Variants in GATB observed in about 807,000 individuals in gnomAD.
GATB encodes the protein glutamyl-tRNA(Gln) amidotransferase subunit B, mitochondrial.
Under a neutral mutation model 62.3 loss-of-function variants are expected in GATB, and 39 were observed. That is an observed-to-expected ratio of 0.63 (90% confidence interval 0.48 to 0.82). The LOEUF (loss-of-function observed/expected upper bound fraction) is 0.82, where lower values mean the gene tolerates loss of function less well. Among genes scored for constraint, GATB ranks in the 40% least tolerant of loss-of-function variants. GATB has a pLI of 0.00. For missense variants in GATB, 670 were observed against 684.0 expected, an observed-to-expected ratio of 0.98 and a Z score of 0.23; for synonymous variants, 276 against 258.9, an observed-to-expected ratio of 1.07 and a Z score of -0.63.
chr4:151,734,678 A>C (rs1267646419), intron 2 of GATB, among the ~76,000 whole-genome samples: 3 of 152,208 alleles, frequency 2.0e-5, no homozygotes, highest in African/African-American at 7.2e-5. Context: ...ACCTGATTTT[A>C]AACTATACTA....
intron 2 of GATB, among the ~76,000 whole-genome samples, chr4:151,747,842 A>G (rs1168612185): frequency 6.6e-6 from 1 of 152,204 alleles, no homozygotes; most frequent in African/African-American, 2.4e-5. Context: ...AGACTAAGAG[A>G]GTTCATCACC....
At chr4:151,721,887 G>A (rs1223878257) in intron 2 of GATB, 8 of 370,526 alleles carry the variant, frequency 2.2e-5, no homozygotes, top group Admixed American at 4.6e-5. Context: ...GCACACAAGC[G>A]CACGGGCACT....
intron 6 of GATB, among the ~76,000 whole-genome samples, chr4:151,707,174 A>T (rs567817127): frequency 6.6e-6 from 1 of 152,368 alleles, no homozygotes; most frequent in South Asian, 2.1e-4. Context: ...GACCTAGTAA[A>T]TCTCAAGCTG....
rs754769468 is a variant in GATB, at chr4:151,719,555, C to T, written c.328-17G>A. 11 of 1,526,174 alleles carry T rather than the reference C, an allele frequency of 7.2e-6. No individual in the cohort carries two copies. The highest frequency in any genetic ancestry group is 3.6e-5 in the South Asian group (3 of 84,168). The allele number at this position is 1,526,174 out of a possible 1,614,324, so 94.5% of individuals were successfully genotyped here. On this transcript the variant is annotated splice_polypyrimidine_tract_variant and intron_variant, in intron 2 of 12. Transcript: ENST00000263985. ...GTTGAGAACCTATGGGAACACAACA[C>T]ACAGTTCCTCTCAGAACCGCAGGCT...
intron 3 of GATB, among the ~76,000 whole-genome samples, chr4:151,719,034 G>A (rs1012958355): frequency 1.3e-5 from 2 of 152,178 alleles, no homozygotes; most frequent in African/African-American, 4.8e-5. Context: ...ACTTAAAAGC[G>A]ATTCGCTCTC....
At chr4:151,749,405 C>T (rs1315666247) in intron 2 of GATB, among the ~76,000 whole-genome samples, 1 of 149,852 alleles carries the variant, frequency 6.7e-6, no homozygotes, top group Non-Finnish European at 1.5e-5. Context: ...CAAACTATCG[C>T]AAGGACAGAA....
At chr4:151,728,773 T>C (rs1457819530) in intron 2 of GATB, among the ~76,000 whole-genome samples, 1 of 152,226 alleles carries the variant, frequency 6.6e-6, no homozygotes. Flanking sequence ...AGATTTACTT[T>C]CTTCTTTATA....
chr4:151,705,177 G>T lies in GATB; in HGVS notation c.962+8C>A. ...CTGTGGTCAGGACGCTCAGCAATGC[G>T]AACTCACCCCAGCTTGTGATGAAAT... On this transcript the variant is annotated splice_region_variant and intron_variant, in intron 7 of 12. Transcript: ENST00000263985. The T allele has an allele frequency of 1.2e-6, 2 of 1,606,690 alleles. No homozygotes were observed. Among genetic ancestry groups the T allele is most frequent in the South Asian group, 1.1e-5 (1 of 90,848 alleles).
chr4:151,709,354 G>A (rs1198945712), intron 5 of GATB, among the ~76,000 whole-genome samples: 1 of 152,174 alleles, frequency 6.6e-6, no homozygotes, highest in Non-Finnish European at 1.5e-5. Flanking sequence ...ACAGGGAAAA[G>A]ATGTCTCTTA....
At chr4:151,694,388 C>T (rs967473381) in intron 9 of GATB, among the ~76,000 whole-genome samples, 2 of 152,228 alleles carry the variant, frequency 1.3e-5, no homozygotes, top group Admixed American at 1.3e-4. Context: ...AGCATCTTCC[C>T]CTCTGAAAGC....
At chr4:151,677,724 C>T (rs6841783) in intron 11 of GATB, 1 of 152,006 alleles carries the variant, frequency 6.6e-6, no homozygotes. Context: ...CCTAAAAAGG[C>T]GTGAAGGACT....
chr4:151,758,235 CCTT>C (rs1279373193), intron 2 of GATB, among the ~76,000 whole-genome samples: 4 of 152,170 alleles, frequency 2.6e-5, no homozygotes, highest in African/African-American at 9.7e-5. Flanking sequence ...TCCTCCTCCT[CCTT>C]CATTTATCTG....
intron 2 of GATB, among the ~76,000 whole-genome samples, chr4:151,733,919 C>T (rs1396893168): frequency 1.3e-5 from 2 of 152,174 alleles, no homozygotes; most frequent in Non-Finnish European, 2.9e-5. Flanking sequence ...ATTAAATCCT[C>T]AGCAAAACTG....
At chr4:151,754,415 T>A (rs1276401244) in intron 2 of GATB, among the ~76,000 whole-genome samples, 1 of 152,182 alleles carries the variant, frequency 6.6e-6, no homozygotes, top group African/African-American at 2.4e-5. Flanking sequence ...ACGACTAACA[T>A]GTTTATTAAA....
chr4:151,733,960 A>G (rs1198153568), intron 2 of GATB, among the ~76,000 whole-genome samples: 5 of 152,222 alleles, frequency 3.3e-5, no homozygotes, highest in Non-Finnish European at 7.3e-5. Flanking sequence ...AACGTAATAA[A>G]AGCCATCTAT....
At chr4:151,688,388 T>G (rs1463093208) in intron 10 of GATB, among the ~76,000 whole-genome samples, 1 of 152,204 alleles carries the variant, frequency 6.6e-6, no homozygotes, top group Non-Finnish European at 1.5e-5. Context: ...TTCATCTTTG[T>G]GCCCCCAGCC....
At chr4:151,688,869 C>G in intron 9 of GATB, 106 bp from the exon 10 acceptor site, 3 of 1,109,686 alleles carry the variant, frequency 2.7e-6, no homozygotes, top group Non-Finnish European at 3.8e-6. Flanking sequence ...TCTGAGACAG[C>G]CACTTTTTCT....
At chr4:151,681,226 A>G (rs1422275538) in intron 10 of GATB, among the ~76,000 whole-genome samples, 2 of 152,240 alleles carry the variant, frequency 1.3e-5, no homozygotes, top group African/African-American at 2.4e-5. Flanking sequence ...ATTCAAGTGC[A>G]GTGAAACCCT....
At chr4:151,682,025 A>G (rs6833368) in intron 10 of GATB, among the ~76,000 whole-genome samples, 90,838 of 152,172 alleles carry the variant, frequency 0.6, 29,666 homozygotes, top group African/African-American at 0.88. Context: ...CCGCAATGAC[A>G]TAAAAGACGT....
Sources: allele counts gnomAD v4.1 joint callset (sites outside exome capture counted in the v4.1 genomes callset), GRCh38; gene constraint gnomAD v4.1.1; transcripts MANE v1.5; gene names NCBI Gene and HGNC (gene_info 2026-07-23, HGNC 2026-07-21).